TRIM36: variants seen among roughly 807,000 people sequenced by gnomAD.
TRIM36 encodes the protein E3 ubiquitin-protein ligase TRIM36.
A neutral mutation model predicts 72.4 loss-of-function variants in TRIM36; 42 were observed. The observed-to-expected ratio is 0.58, with a 90% CI of 0.45 to 0.75. TRIM36 has a LOEUF of 0.75. Ranked by LOEUF, TRIM36 falls within the 30% of genes least tolerant of loss-of-function variation. The pLI is 0.00. For synonymous variants in TRIM36, 315 were observed against 282.8 expected, an observed-to-expected ratio of 1.11 and a Z score of -1.14; for missense variants, 913 against 857.1, an observed-to-expected ratio of 1.07 and a Z score of -0.81.
intron 1 of TRIM36, among the ~76,000 whole-genome samples, chr5:115,175,531 TG>T (rs1398282544): frequency 2.0e-5 from 3 of 152,176 alleles, no homozygotes; most frequent in African/African-American, 7.2e-5. Context: ...GATTCAAACC[TG>T]GGTCTCAGTC....
chr5:115,163,903 T>C (rs752962730), intron 1 of TRIM36, 151 bp from the exon 2 acceptor site: 7 of 755,716 alleles, frequency 9.3e-6, no homozygotes, highest in Non-Finnish European at 1.5e-5. Context: ...CCAATAAAAT[T>C]TGATACCATC....
chr5:115,172,356 TA>T (rs1755153545), upstream of TRIM36, among the ~76,000 whole-genome samples: 1 of 152,348 alleles, frequency 6.6e-6, no homozygotes, highest in East Asian at 1.9e-4. Context: ...ATTGAGACCT[TA>T]TTTATAACTA....
In TRIM36 at chr5:115,163,713, C is replaced by T. The variant is rs781458564; in HGVS notation, c.67G>A (p.Ala23Thr). ...GGGTGGGTAAACAGCTCCTTGCATG[C>T]TGGGCAAATGAGCTCCCTTTCGATA... Reference protein sequence around the residue: ...KNIERELICPACKELFTHPLI... With the variant: ...KNIERELICPTCKELFTHPLI... Residue 23 changes from alanine (A) to threonine (T), a missense_variant, in exon 2 of 10, where the codon GCA becomes ACA. Ala to Thr is a moderately conservative substitution (Grantham distance 58, BLOSUM62 0). Transcript: ENST00000513154. 16 of 1,614,128 alleles carry T rather than the reference C, an allele frequency of 9.9e-6. No homozygotes were observed. The highest frequency in any genetic ancestry group is 1.4e-5 in the Non-Finnish European group (16 of 1,180,042).
rs1752625700 is a variant in TRIM36, at chr5:115,130,626, A to C, written c.1762T>G (p.Trp588Gly). The C allele has an allele frequency of 6.2e-7, 1 of 1,614,070 alleles. No homozygotes were observed. The highest frequency in any genetic ancestry group is 1.3e-5 in the African/African-American group (1 of 74,930). The change falls in exon 9 of 10, where the codon TGG becomes GGG. Residue 588 changes from tryptophan to glycine, a missense_variant. Transcript: ENST00000513154. Reference protein sequence around the residue: ...GVASSDKLQEWLRSPRDAVSP... With the variant: ...GVASSDKLQEGLRSPRDAVSP... ...ACTGCATCCCGGGGAGAACGGAGCC[A>C]TTCTTGTAGTTTATCGCTAGAAGCA...
chr5:115,137,146 A>G, intron 6 of TRIM36, 22 bp from the exon 7 acceptor site: 3 of 1,552,816 alleles, frequency 1.9e-6, no homozygotes, highest in South Asian at 2.4e-5. Context: ...TATTTTATAT[A>G]AAAATGTTTC....
chr5:115,164,394 T>C (rs545374448), intron 1 of TRIM36, among the ~76,000 whole-genome samples: 2 of 152,312 alleles, frequency 1.3e-5, no homozygotes, highest in East Asian at 3.9e-4. Flanking sequence ...GAAAATTACC[T>C]GAGGCTGGGT....
intron 1 of TRIM36, among the ~76,000 whole-genome samples, chr5:115,176,312 C>T (rs747872493): frequency 6.6e-6 from 1 of 152,044 alleles, no homozygotes; most frequent in Non-Finnish European, 1.5e-5. Flanking sequence ...GATTTGAGGA[C>T]TTTCCAAGAC....
In TRIM36 at chr5:115,133,781, G is replaced by A; in HGVS notation, c.1498+79C>T. On this transcript the variant is annotated intron_variant, in intron 8 of 9. Coordinates refer to ENST00000513154, the MANE Select transcript of TRIM36 (RefSeq NM_001300759.2). ...AGCTGGTTTCAGTGCAGGTCTACAT[G>A]GAGATACTGACTAGTTTATTTTATC... The A allele has an allele frequency of 2.1e-6, 3 of 1,411,406 alleles. No individual in the cohort carries two copies. The South Asian group carries it at 4.4e-5, about 21-fold the overall frequency. 87.4% of individuals were successfully genotyped at this position (1,411,406 alleles called of 1,614,324 possible).
intron 5 of TRIM36, among the ~76,000 whole-genome samples, chr5:115,140,203 GA>G: frequency 6.6e-6 from 1 of 152,046 alleles, no homozygotes; most frequent in East Asian, 1.9e-4. Flanking sequence ...ACCTATATTG[GA>G]AAAAAACTTC....
rs1242744468 is a variant in TRIM36 at position 115,169,692 on chromosome 5, G to T, written c.-58C>A. The T allele has an allele frequency of 1.2e-5, 18 of 1,507,604 alleles. No homozygotes were observed. The East Asian group carries it at 4.3e-4, about 36-fold the overall frequency. The allele number at this position is 1,507,604 out of a possible 1,614,324, so 93.4% of individuals were successfully genotyped here. A position where few individuals can be genotyped will look rare whatever the true frequency, so the allele number is the denominator to read the frequency against. On this transcript the variant is annotated 5_prime_UTR_variant, in exon 1 of 10. Coordinates refer to ENST00000513154, the MANE Select transcript of TRIM36 (RefSeq NM_001300759.2). ...GTTCCACTCACACCGGCTACCGAGC[G>T]CAGGGTCTGGTGGGCGGGTCCCTGC... is the stretch of plus-strand genomic sequence containing the variant.
At chr5:115,126,904 T>A in intron 9 of TRIM36, 47 bp from the exon 10 acceptor site, 1 of 1,519,794 alleles carries the variant, frequency 6.6e-7, no homozygotes, top group Non-Finnish European at 8.9e-7. Context: ...TAGATCTAAG[T>A]ATCTTCAAAA....
At chr5:115,164,449 G>T (rs1187156965) in intron 1 of TRIM36, among the ~76,000 whole-genome samples, 1 of 152,172 alleles carries the variant, frequency 6.6e-6, no homozygotes, top group African/African-American at 2.4e-5. Flanking sequence ...GTTCCACATG[G>T]CTAGGGAGTC....
At chr5:115,144,141 T>C (rs1753445672) in intron 4 of TRIM36, among the ~76,000 whole-genome samples, 1 of 152,132 alleles carries the variant, frequency 6.6e-6, no homozygotes, top group Non-Finnish European at 1.5e-5. Flanking sequence ...CCCAAAGAGC[T>C]GGGATTACAG....
At chr5:115,174,905 A>G (rs541621310), upstream of TRIM36, among the ~76,000 whole-genome samples, 1 of 152,322 alleles carries the variant, frequency 6.6e-6, no homozygotes, top group East Asian at 1.9e-4. Flanking sequence ...ACATTTTTCC[A>G]TTAATGATGA....
chr5:115,136,903 T>C, intron 7 of TRIM36, 97 bp downstream of exon 7: 2 of 1,267,576 alleles, frequency 1.6e-6, no homozygotes, highest in Admixed American at 2.8e-5. Context: ...AGTGAGATGC[T>C]GCTTTATAAT....
chr5:115,134,838 C>A (rs1752882512), intron 7 of TRIM36, among the ~76,000 whole-genome samples: 1 of 152,160 alleles, frequency 6.6e-6, no homozygotes, highest in Admixed American at 6.6e-5. Context: ...CTGTGCCCGG[C>A]CTCTCAATGA....
At position 115,144,752 on chromosome 5, in the gene TRIM36, G is replaced by T; in HGVS notation, c.589-8C>A. On this transcript the variant is annotated splice_region_variant and splice_polypyrimidine_tract_variant and intron_variant, in intron 3 of 9. Coordinates refer to ENST00000513154, the MANE Select transcript of TRIM36 (RefSeq NM_001300759.2). The stretch of plus-strand genomic sequence containing the variant: ...TTCTGGGCACATTAAAATCTATTGA[G>T]TAAAGAATAAAAGTGTGATTAAGGA... The T allele has an allele frequency of 6.2e-7, 1 of 1,608,352 alleles. No homozygotes were observed. Among genetic ancestry groups the T allele is most frequent in the Non-Finnish European group, 8.5e-7 (1 of 1,178,470 alleles).
chr5:115,176,743 TG>T (rs1428651006), intron 1 of TRIM36, among the ~76,000 whole-genome samples: 26 of 152,268 alleles, frequency 1.7e-4, no homozygotes, highest in African/African-American at 6.3e-4. Context: ...TGGAAAATAC[TG>T]CTTTGAGTAA....
chr5:115,135,614 C>A (rs1270833218), intron 7 of TRIM36, among the ~76,000 whole-genome samples: 1 of 152,102 alleles, frequency 6.6e-6, no homozygotes, highest in Non-Finnish European at 1.5e-5. Flanking sequence ...GGATAACCCA[C>A]CCTCAACCTT....
Sources: allele counts gnomAD v4.1 joint callset (sites outside exome capture counted in the v4.1 genomes callset), GRCh38; gene constraint gnomAD v4.1.1; transcripts MANE v1.5; gene names NCBI Gene and HGNC (gene_info 2026-07-23, HGNC 2026-07-21).